MACROD2: variants seen among roughly 807,000 people sequenced by gnomAD.
The protein encoded by MACROD2 is mono-ADP ribosylhydrolase 2.
MACROD2 carries 36 observed loss-of-function variants against 70.4 expected under a neutral mutation model. The ratio of observed to expected loss-of-function variants is 0.51; its 90% CI spans 0.39 to 0.68. The LOEUF (loss-of-function observed/expected upper bound fraction) is 0.68, where lower values mean the gene tolerates loss of function less well. Among genes scored for constraint, MACROD2 ranks in the 30% least tolerant of loss-of-function variants. The probability of loss-of-function intolerance (pLI) is 0.00; values close to 1 mark genes in which losing one functional copy is unlikely to be tolerated. For missense variants in MACROD2, 496 were observed against 538.4 expected, an observed-to-expected ratio of 0.92 and a Z score of 0.78; for synonymous variants, 172 against 178.8, an observed-to-expected ratio of 0.96 and a Z score of 0.30.
At chr20:15,947,602 T>TA (rs1291210017) in intron 12 of MACROD2, among the ~76,000 whole-genome samples, 1 of 152,194 alleles carries the variant, frequency 6.6e-6, no homozygotes, top group Non-Finnish European at 1.5e-5. Flanking sequence ...TGGAGTTTCT[T>TA]ATGTCTTCCC....
intron 3 of MACROD2, among the ~76,000 whole-genome samples, chr20:14,123,632 A>G (rs1328941747): frequency 6.6e-6 from 1 of 152,168 alleles, no homozygotes; most frequent in African/African-American, 2.4e-5. Context: ...TTAGAAAATC[A>G]AATCTCGTAT....
intron 2 of MACROD2, among the ~76,000 whole-genome samples, chr20:14,041,905 G>A (rs189279185): frequency 3.5e-4 from 54 of 152,154 alleles, no homozygotes; most frequent in Middle Eastern, 3.4e-3. Flanking sequence ...TGGAGATGGG[G>A]GAGACTCTTG....
intron 5 of MACROD2, among the ~76,000 whole-genome samples, chr20:15,027,181 T>A (rs2075238529): frequency 6.6e-6 from 1 of 152,178 alleles, no homozygotes; most frequent in Non-Finnish European, 1.5e-5. Flanking sequence ...CATCTTTATA[T>A]GTTTAATTGG....
intron 4 of MACROD2, among the ~76,000 whole-genome samples, chr20:14,633,817 G>T (rs958665157): frequency 4.6e-5 from 7 of 152,096 alleles, no homozygotes; most frequent in African/African-American, 1.7e-4. Context: ...TTTAAAGACT[G>T]GGGTATCATC....
intron 8 of MACROD2, among the ~76,000 whole-genome samples, chr20:15,710,180 T>G (rs1355863442): frequency 1.6e-5 from 2 of 128,534 alleles, no homozygotes; most frequent in Non-Finnish European, 3.2e-5. Flanking sequence ...TTAGAATGGC[T>G]ATTATCAAAA....
rs142551003 is a variant in MACROD2 at position 15,355,067 on chromosome 20, T to A, written c.541-76338T>A. Among the ~76,000 whole-genome samples, 890 of 152,336 alleles carry A rather than the reference T, an allele frequency of 5.8e-3. 11 individuals carry two copies. Among genetic ancestry groups the A allele is most frequent in the African/African-American group, 0.02 (827 of 41,564 alleles). ...GAAGTTTCATAGTTGGGACTGATGT[T>A]CTGTTTCAACCCAACTGATCTAATG... On this transcript the variant is annotated intron_variant, in intron 6 of 17. Coordinates refer to ENST00000684519, the MANE Select transcript of MACROD2 (RefSeq NM_001351661.2).
Position 15,654,988 on chromosome 20 carries a change from A to G in MACROD2, c.645+155141A>G, listed in dbSNP as rs549111274. 1.4e-4 allele frequency among the ~76,000 whole-genome samples: 22 copies of G among 152,266 alleles called. No individual in the cohort carries two copies. The South Asian group carries it at 4.6e-3, about 32-fold the overall frequency. ...GAGGCCGCATATGATTTGAGTCACC[A>G]TGCTTCTCCACGGACTGCACTAAGT... On this transcript the variant is annotated intron_variant, in intron 8 of 17. Coordinates refer to ENST00000684519, the MANE Select transcript of MACROD2 (RefSeq NM_001351661.2).
At chr20:14,011,464 C>G (rs532621180) in intron 2 of MACROD2, among the ~76,000 whole-genome samples, 2 of 152,076 alleles carry the variant, frequency 1.3e-5, no homozygotes, top group African/African-American at 2.4e-5. Context: ...GCATTTCCCC[C>G]CCTTCAGAAT....
At chr20:15,553,607 T>C (rs892096712) in intron 8 of MACROD2, among the ~76,000 whole-genome samples, 2 of 151,906 alleles carry the variant, frequency 1.3e-5, no homozygotes, top group Non-Finnish European at 2.9e-5. Flanking sequence ...TTTAGTAGAG[T>C]TGGGGTTCCA....
At position 15,052,484 on chromosome 20, in the gene MACROD2, T is replaced by C. The variant is rs544277942; in HGVS notation, c.419-177456T>C. Among the ~76,000 whole-genome samples the C allele has an allele frequency of 5.9e-5, 9 of 152,332 alleles. No individual in the cohort carries two copies. In the South Asian group the frequency reaches 1.9e-3, roughly 32 times the overall value. ...AATATCTCAAACTTTTTTGTTATTC[T>C]TATCTATTTTATAGTGATCCGTAGT... On this transcript the variant is annotated intron_variant, in intron 5 of 17. Transcript: ENST00000684519.
intron 3 of MACROD2, among the ~76,000 whole-genome samples, chr20:14,211,716 CT>C (rs1241482354): frequency 2.0e-5 from 3 of 152,202 alleles, no homozygotes; most frequent in African/African-American, 7.2e-5. Flanking sequence ...ACCTAGTTCT[CT>C]TCATGAGTGG....
chr20:14,947,405 C>T (rs2074441408), intron 5 of MACROD2, among the ~76,000 whole-genome samples: 1 of 152,174 alleles, frequency 6.6e-6, no homozygotes, highest in Middle Eastern at 3.2e-3. Flanking sequence ...CTCAGTTTAC[C>T]TTCCATACAC....
chr20:14,752,802 A>G (rs190330920), intron 5 of MACROD2, among the ~76,000 whole-genome samples: 26 of 152,212 alleles, frequency 1.7e-4, no homozygotes, highest in Middle Eastern at 3.4e-3. Context: ...TATTTGGAAT[A>G]TGAGGCCAGG....
intron 3 of MACROD2, among the ~76,000 whole-genome samples, chr20:14,239,382 C>T (rs1569222108): frequency 6.6e-6 from 1 of 152,144 alleles, no homozygotes; most frequent in Non-Finnish European, 1.5e-5. Flanking sequence ...TTTTAAAATT[C>T]ATATGGAACA....
chr20:15,078,377 A>T (rs2075676217), intron 5 of MACROD2, among the ~76,000 whole-genome samples: 1 of 152,174 alleles, frequency 6.6e-6, no homozygotes. Flanking sequence ...CACAATGTCC[A>T]TACAGAGAAG....
intron 6 of MACROD2, among the ~76,000 whole-genome samples, chr20:15,393,493 G>A (rs2045820119): frequency 6.6e-6 from 1 of 151,846 alleles, no homozygotes; most frequent in Non-Finnish European, 1.5e-5. Flanking sequence ...TATTCTGTTT[G>A]TGCAATCCAT....
At chr20:15,070,676 G>A (rs2075612240) in intron 5 of MACROD2, among the ~76,000 whole-genome samples, 1 of 152,032 alleles carries the variant, frequency 6.6e-6, no homozygotes, top group African/African-American at 2.4e-5. Flanking sequence ...CTCCCCCTTT[G>A]CCTTCTATCA....
chr20:15,557,648 C>T (rs2048185493), intron 8 of MACROD2, among the ~76,000 whole-genome samples: 1 of 152,128 alleles, frequency 6.6e-6, no homozygotes, highest in African/African-American at 2.4e-5. Flanking sequence ...AAACTTTAGC[C>T]CAAGTAATGG....
At chr20:15,460,614 T>G (rs1468610941) in intron 7 of MACROD2, among the ~76,000 whole-genome samples, 1 of 152,190 alleles carries the variant, frequency 6.6e-6, no homozygotes, top group East Asian at 1.9e-4. Context: ...TGCTTCCTGC[T>G]TTGACTGCCT....
Sources: gnomAD v4.1 joint callset for allele counts (sites outside exome capture counted in the v4.1 genomes callset) on GRCh38, gnomAD v4.1.1 for gene constraint, MANE v1.5 for transcripts, NCBI Gene and HGNC (gene_info 2026-07-23, HGNC 2026-07-21) for gene names.